AHRR: variants seen among roughly 807,000 people sequenced by gnomAD.
AHRR encodes aryl hydrocarbon receptor repressor.
A neutral mutation model predicts 44.0 loss-of-function variants in AHRR; 28 were observed. The observed-to-expected ratio is 0.64, with a 90% CI of 0.47 to 0.87. AHRR has a LOEUF of 0.87. AHRR is among the 40% of genes least tolerant of loss of function. The pLI is 0.00. For synonymous variants in AHRR, 434 were observed against 407.0 expected (o/e 1.07, Z -0.80); for missense variants, 990 against 953.9 (o/e 1.04, Z -0.50).
Position 350,276 on chromosome 5 carries a change from A to C in AHRR, c.63-3454A>C, listed in dbSNP as rs147523978. On this transcript the variant is annotated intron_variant, in intron 2 of 10. Coordinates refer to ENST00000684583, the MANE Select transcript of AHRR (RefSeq NM_001377236.1). ...ATATCTTCCTGCGTATTTGGTCTTT[A>C]AATTTTTCTCAGCTCTGGTTTGAGT... Among the ~76,000 whole-genome samples the C allele has an allele frequency of 5.8e-4, 88 of 152,332 alleles. 3 individuals are homozygous for C. The East Asian group carries it at 0.016, about 28-fold the overall frequency.
At chr5:385,568 T>C (rs1362002466) in intron 4 of AHRR, among the ~76,000 whole-genome samples, 1 of 152,252 alleles carries the variant, frequency 6.6e-6, no homozygotes, top group African/African-American at 2.4e-5. Flanking sequence ...CACTATCTTC[T>C]GGCCTCTGTG....
Position 437,382 on chromosome 5 carries a change from G to A in AHRR, c.*2548G>A, listed in dbSNP as rs2126560069. 1 of 152,528 alleles carries A rather than the reference G, an allele frequency of 6.6e-6. No individual in the cohort carries two copies. The highest frequency in any genetic ancestry group is 6.5e-5 in the Admixed American group (1 of 15,310). The allele number at this position is 152,528 out of a possible 1,614,324, so 9.4% of individuals were successfully genotyped here. On this transcript the variant is annotated 3_prime_UTR_variant, in exon 11 of 11. Transcript: ENST00000684583. ...CTGCTCTTCCAGTCTCGGGGCCGAGGAGGGCAGGGAGCTCAGTGACTGAGA... is the reference window on the plus strand; with the variant it reads ...CTGCTCTTCCAGTCTCGGGGCCGAGAAGGGCAGGGAGCTCAGTGACTGAGA...
rs371629338 is a variant in AHRR at position 434,176 on chromosome 5, C to T, written c.1436C>T (p.Pro479Leu). The T allele has an allele frequency of 1.4e-5, 23 of 1,597,888 alleles. No individual in the cohort carries two copies. The African/African-American group carries it at 1.9e-4, about 13-fold the overall frequency. Reference protein sequence around the residue: ...RDVGEDQVHPPLCHFPQRSLQ... With the variant: ...RDVGEDQVHPLLCHFPQRSLQ... ...GTCGGTGAGGACCAGGTGCACCCTC[C>T]CCTCTGCCACTTTCCCCAGAGGAGC... The change falls in exon 11 of 11, where the codon CCC (proline) becomes CTC (leucine). Residue 479 changes from proline (P) to leucine (L), a missense_variant. Transcript: ENST00000684583.
In AHRR at chr5:434,172, C is replaced by G; in HGVS notation, c.1432C>G (p.Pro478Ala). ...MRDVGEDQVH[P>A]PLCHFPQRSL... ...GGATGTCGGTGAGGACCAGGTGCAC[C>G]CTCCCCTCTGCCACTTTCCCCAGAG... Residue 478 changes from proline (P) to alanine (A), a missense_variant, in exon 11 of 11, where the codon CCT (proline) becomes GCT (alanine). Transcript: ENST00000684583. 1 of 1,600,020 alleles carries G rather than the reference C, an allele frequency of 6.2e-7. No individual in the cohort carries two copies. The highest frequency in any genetic ancestry group is 8.5e-7 in the Non-Finnish European group (1 of 1,173,394).
chr5:375,682 C>A (rs543473524), intron 3 of AHRR, among the ~76,000 whole-genome samples: 1 of 152,218 alleles, frequency 6.6e-6, no homozygotes, highest in African/African-American at 2.4e-5. Flanking sequence ...GATGCCCCCC[C>A]GGCCTTGCTG....
rs1246092084 is a variant in AHRR, at chr5:438,114, A to T, written c.*3280A>T. 2.0e-5 allele frequency: 3 copies of T among 152,382 alleles called. No individual in the cohort carries two copies. The highest frequency in any genetic ancestry group is 4.4e-5 in the Non-Finnish European group (3 of 68,042). 9.4% of individuals were successfully genotyped at this position (152,382 alleles called of 1,614,324 possible). A position where few individuals can be genotyped will look rare whatever the true frequency, so the allele number is the denominator to read the frequency against. ...TTCTACTGGAAGAAAAAAGTTTTCAATACCTAGACCAACTTGTTGAATTTT... is the reference window on the plus strand; with the variant it reads ...TTCTACTGGAAGAAAAAAGTTTTCATTACCTAGACCAACTTGTTGAATTTT... On this transcript the variant is annotated 3_prime_UTR_variant, in exon 11 of 11. Transcript: ENST00000684583.
At position 367,792 on chromosome 5, in the gene AHRR, T is replaced by C. The variant is rs912311241; in HGVS notation, c.245-8818T>C. The C allele has an allele frequency of 2.4e-5, 17 of 700,368 alleles. No homozygotes were observed. In the Admixed American group the frequency reaches 3.4e-4, roughly 14 times the overall value. The allele number at this position is 700,368 out of a possible 1,614,324, so 43.4% of individuals were successfully genotyped here. ...TTGCTGGGTTCTGTCCCCCTCCTTC[T>C]CTGTTGTATGCCCAGGACAGGGGTT... On this transcript the variant is annotated intron_variant, in intron 3 of 10. Transcript: ENST00000684583.
intron 1 of AHRR, among the ~76,000 whole-genome samples, chr5:341,466 T>C (rs1742344957): frequency 6.6e-6 from 1 of 152,000 alleles, no homozygotes; most frequent in South Asian, 2.1e-4. Context: ...AGAACCAACT[T>C]TTGGTTTAAT....
intron 4 of AHRR, among the ~76,000 whole-genome samples, chr5:403,504 C>CGG (rs1735112286): frequency 6.6e-6 from 1 of 151,906 alleles, no homozygotes; most frequent in Non-Finnish European, 1.5e-5. Context: ...GGTGTGGTGG[C>CGG]GCATGCCTGT....
chr5:384,577 C>A (rs1381456389), intron 4 of AHRR, among the ~76,000 whole-genome samples: 1 of 152,054 alleles, frequency 6.6e-6, no homozygotes, highest in East Asian at 1.9e-4. Context: ...GCGTGCACCA[C>A]CATGCCCAGC....
At chr5:390,839 CG>C (rs1734384577) in intron 4 of AHRR, among the ~76,000 whole-genome samples, 1 of 152,052 alleles carries the variant, frequency 6.6e-6, no homozygotes, top group Non-Finnish European at 1.5e-5. Context: ...TGCAGGAGGC[CG>C]GGAGGAAACG....
chr5:360,246 G>A (rs180992484), intron 3 of AHRR, among the ~76,000 whole-genome samples: 94 of 152,326 alleles, frequency 6.2e-4, no homozygotes, highest in African/African-American at 2.2e-3. Context: ...AGAACACAGG[G>A]GGAAGGCAGC....
chr5:346,339 A>G (rs1191810870), intron 2 of AHRR, among the ~76,000 whole-genome samples: 3 of 152,182 alleles, frequency 2.0e-5, no homozygotes, highest in Non-Finnish European at 4.4e-5. Flanking sequence ...AGGTGAGCAC[A>G]CTAGCTATTC....
chr5:336,154 C>T (rs1217608793), intron 1 of AHRR, among the ~76,000 whole-genome samples: 2 of 152,220 alleles, frequency 1.3e-5, no homozygotes, highest in Non-Finnish European at 2.9e-5. Flanking sequence ...CTCAGTCTCC[C>T]TAAATCCGAT....
intron 8 of AHRR, among the ~76,000 whole-genome samples, chr5:431,171 C>G (rs979761894): frequency 5.3e-5 from 8 of 152,206 alleles, no homozygotes; most frequent in Admixed American, 4.6e-4. Flanking sequence ...GCCCTGTGTG[C>G]GCACAGCCCT....
In AHRR at chr5:383,185, G is replaced by A. The variant is rs1442364183; in HGVS notation, c.351+6469G>A. ...GTTAAAGACAATTTTAATATGGTCT[G>A]TCTTGATGACTGTTCACTGCACTGG... On this transcript the variant is annotated intron_variant, in intron 4 of 10. Transcript: ENST00000684583. This position sits in a 1 kb window ranked among gnomAD's most constrained non-coding sequence, Gnocchi z 4.0. 6.6e-6 allele frequency among the ~76,000 whole-genome samples: 1 copy of A among 152,178 alleles called. No homozygotes were observed. The highest frequency in any genetic ancestry group is 1.9e-4 in the East Asian group (1 of 5,200).
chr5:434,145 C>A lies in AHRR; in HGVS notation c.1405C>A (p.Arg469=). The change falls in exon 11 of 11, where the codon CGG becomes AGG. Residue 469 remains arginine, a synonymous_variant. Transcript: ENST00000684583. ...AYSSRTSRPM[R]DVGEDQVHPP... ...CTCCAGCCGGACCAGCAGACCCATG[C>A]GGGATGTCGGTGAGGACCAGGTGCA... is the stretch of plus-strand genomic sequence containing the variant. The A allele has an allele frequency of 6.2e-7, 1 of 1,609,736 alleles. No homozygotes were observed. The highest frequency in any genetic ancestry group is 8.5e-7 in the Non-Finnish European group (1 of 1,178,486).
At position 342,425 on chromosome 5, in the gene AHRR, T is replaced by A. The variant is rs147653447; in HGVS notation, c.-10-1468T>A. 6.6e-6 allele frequency among the ~76,000 whole-genome samples: 1 copy of A among 152,356 alleles called. No homozygotes were observed. Among genetic ancestry groups the A allele is most frequent in the Non-Finnish European group, 1.5e-5 (1 of 68,036 alleles). On this transcript the variant is annotated intron_variant, in intron 1 of 10. Coordinates refer to ENST00000684583, the MANE Select transcript of AHRR (RefSeq NM_001377236.1). This position sits in a 1 kb window ranked among gnomAD's most constrained non-coding sequence, Gnocchi z 4.3. Reference sequence around the variant, plus strand: ...ATTAAAGAATATACCTTTTTGTCTCTGGTGATATTCCTTGTTCTGAAGTCT... The same window carrying A: ...ATTAAAGAATATACCTTTTTGTCTCAGGTGATATTCCTTGTTCTGAAGTCT...
intron 3 of AHRR, among the ~76,000 whole-genome samples, chr5:371,921 G>A (rs760393121): frequency 2.0e-5 from 3 of 152,182 alleles, no homozygotes; most frequent in Non-Finnish European, 4.4e-5. Context: ...GAGTGAAAAC[G>A]ATGGAGAAGA....
Sources: allele counts gnomAD v4.1 joint callset (sites outside exome capture counted in the v4.1 genomes callset), GRCh38; gene constraint gnomAD v4.1.1; non-coding constraint Gnocchi (gnomAD v3.1); transcripts MANE v1.5; gene names NCBI Gene and HGNC (gene_info 2026-07-23, HGNC 2026-07-21).